SUPT3H: variants seen among roughly 807,000 people sequenced by gnomAD.
SUPT3H encodes transcription initiation protein SPT3 homolog.
Under a neutral mutation model 44.3 loss-of-function variants are expected in SUPT3H, and 44 were observed. The ratio of observed to expected loss-of-function variants is 0.99; its 90% CI spans 0.78 to 1.28. The LOEUF (loss-of-function observed/expected upper bound fraction) is 1.28, where lower values mean the gene tolerates loss of function less well. Among genes scored for constraint, SUPT3H ranks in the 50% most tolerant of loss-of-function variants. The probability of loss-of-function intolerance (pLI) is 0.00; values close to 1 mark genes in which losing one functional copy is unlikely to be tolerated. For missense variants in SUPT3H, 380 were observed against 387.1 expected, an observed-to-expected ratio of 0.98 and a Z score of 0.15; for synonymous variants, 124 against 125.6, an observed-to-expected ratio of 0.99 and a Z score of 0.09.
At chr6:45,376,527 G>A (rs1312518859) in intron 1 of SUPT3H, among the ~76,000 whole-genome samples, 1 of 152,222 alleles carries the variant, frequency 6.6e-6, no homozygotes, top group African/African-American at 2.4e-5. Context: ...TACCACTAGT[G>A]CCTAAAGGCA....
chr6:45,278,330 T>A (rs1415582587), intron 2 of SUPT3H, among the ~76,000 whole-genome samples: 1 of 152,114 alleles, frequency 6.6e-6, no homozygotes, highest in African/African-American at 2.4e-5. Context: ...GATATTCAAG[T>A]CTACACAGGT....
At chr6:44,944,468 G>T (rs1168454960) in intron 9 of SUPT3H, among the ~76,000 whole-genome samples, 1 of 151,870 alleles carries the variant, frequency 6.6e-6, no homozygotes, top group Non-Finnish European at 1.5e-5. Flanking sequence ...ACAATTAAAA[G>T]ATACAGATCG....
At chr6:45,099,779 C>T (rs1468274479) in intron 3 of SUPT3H, among the ~76,000 whole-genome samples, 1 of 151,870 alleles carries the variant, frequency 6.6e-6, no homozygotes, top group South Asian at 2.1e-4. Context: ...AGCAGAAAAC[C>T]ATTCAAAACA....
At chr6:45,189,881 G>GA (rs1244777840) in intron 2 of SUPT3H, among the ~76,000 whole-genome samples, 2 of 152,152 alleles carry the variant, frequency 1.3e-5, no homozygotes, top group African/African-American at 4.8e-5. Flanking sequence ...CATAGGATTG[G>GA]AAACAGTTTC....
At chr6:45,250,119 C>T (rs1419876941) in intron 2 of SUPT3H, among the ~76,000 whole-genome samples, 2 of 152,040 alleles carry the variant, frequency 1.3e-5, no homozygotes, top group African/African-American at 2.4e-5. Context: ...TTTGATGCCT[C>T]GGTCTTAAGT....
intron 2 of SUPT3H, among the ~76,000 whole-genome samples, chr6:45,142,736 C>CAAAAAAAAA (rs70993502): frequency 0.013 from 196 of 14,964 alleles, 39 homozygotes; most frequent in Non-Finnish European, 0.016. Context: ...AACTCCGTCT[C>CAAAAAAAAA]AAAAAAAAAA....
intron 4 of SUPT3H, among the ~76,000 whole-genome samples, chr6:45,018,742 A>C (rs534144614): frequency 6.6e-6 from 1 of 151,912 alleles, no homozygotes; most frequent in Non-Finnish European, 1.5e-5. Flanking sequence ...TGCTGGATTC[A>C]GTTTGCCAGT....
intron 10 of SUPT3H, among the ~76,000 whole-genome samples, chr6:44,895,571 G>C (rs1480497908): frequency 6.6e-6 from 1 of 152,132 alleles, no homozygotes; most frequent in South Asian, 2.1e-4. Flanking sequence ...AACAAAACAA[G>C]CAATAACAAA....
At position 45,018,558 on chromosome 6, in the gene SUPT3H, G is replaced by T. The variant is rs920351787; in HGVS notation, c.273+1988C>A. ...TTTATTGAGCGTTTTTAGCATGAAG[G>T]GTTGTTGAATTTTGTCAAAGGCCTT... On this transcript the variant is annotated intron_variant, in intron 4 of 10. Coordinates refer to ENST00000371459, the MANE Select transcript of SUPT3H (RefSeq NM_003599.4). 5.3e-5 allele frequency among the ~76,000 whole-genome samples: 8 copies of T among 152,084 alleles called. No homozygotes were observed. The East Asian group carries it at 5.8e-4, about 11-fold the overall frequency.
chr6:44,853,297 C>T (rs561361349), intron 10 of SUPT3H, among the ~76,000 whole-genome samples: 6 of 152,274 alleles, frequency 3.9e-5, no homozygotes, highest in African/African-American at 9.6e-5. Flanking sequence ...TCAACTTCTA[C>T]GTTGTACTGG....
In SUPT3H at chr6:45,288,565, GTA is replaced by G. The variant is rs59842389; in HGVS notation, c.101+76634_101+76635del. Among the ~76,000 whole-genome samples, 91 of 95,506 alleles carry G rather than the reference GTA, an allele frequency of 9.5e-4. 1 individual carries two copies. The highest frequency in any genetic ancestry group is 1.8e-3 in the Non-Finnish European group (79 of 44,862). The allele number at this position is 95,506 out of a possible 152,430, so 62.7% of individuals were successfully genotyped here. A position where few individuals can be genotyped will look rare whatever the true frequency, so the allele number is the denominator to read the frequency against. ...TGTGTGTGTATATATATATATATAT[GTA>G]TATATATATATATATGTATATATAT... On this transcript the variant is annotated intron_variant, in intron 2 of 10. Coordinates refer to ENST00000371459, the MANE Select transcript of SUPT3H (RefSeq NM_003599.4).
intron 9 of SUPT3H, among the ~76,000 whole-genome samples, chr6:44,935,522 G>GT (rs1771261428): frequency 6.6e-6 from 1 of 152,090 alleles, no homozygotes; most frequent in African/African-American, 2.4e-5. Flanking sequence ...TGTTTATAGA[G>GT]TATTTGCAGA....
intron 3 of SUPT3H, chr6:45,099,066 C>G (rs1798184801): frequency 5.3e-6 from 2 of 379,522 alleles, no homozygotes; most frequent in Admixed American, 3.7e-5. Context: ...CCTGCCCCAA[C>G]ATGGTCCTCC....
intron 2 of SUPT3H, among the ~76,000 whole-genome samples, chr6:45,241,938 T>G (rs1770420555): frequency 6.6e-6 from 1 of 152,186 alleles, no homozygotes. Flanking sequence ...TTGCTAGTCA[T>G]GAAGGACTAC....
chr6:45,354,607 A>T (rs1792763973), intron 2 of SUPT3H, among the ~76,000 whole-genome samples: 1 of 142,082 alleles, frequency 7.0e-6, no homozygotes, highest in South Asian at 2.3e-4. Flanking sequence ...TTCAAACAGT[A>T]ACTACACAAA....
intron 2 of SUPT3H, among the ~76,000 whole-genome samples, chr6:45,294,850 C>A (rs1472899330): frequency 6.9e-6 from 1 of 144,934 alleles, no homozygotes; most frequent in African/African-American, 2.6e-5. Flanking sequence ...CCAGACAACA[C>A]AAACAAATGG....
chr6:44,906,988 C>G (rs964669172), intron 10 of SUPT3H, among the ~76,000 whole-genome samples: 1 of 152,184 alleles, frequency 6.6e-6, no homozygotes, highest in Non-Finnish European at 1.5e-5. Flanking sequence ...ACACAACCTT[C>G]AAGTGATTAA....
chr6:45,229,017 G>A (rs1192129310), intron 2 of SUPT3H, among the ~76,000 whole-genome samples: 1 of 152,098 alleles, frequency 6.6e-6, no homozygotes, highest in Non-Finnish European at 1.5e-5. Context: ...ATATAATCTT[G>A]CATGAAAGCA....
At chr6:44,853,282 T>C (rs543070972) in intron 10 of SUPT3H, among the ~76,000 whole-genome samples, 5 of 152,336 alleles carry the variant, frequency 3.3e-5, no homozygotes, top group South Asian at 2.1e-4. Context: ...CCACAACCCA[T>C]GTTCTCAACT....
Sources: gnomAD v4.1 joint callset for allele counts (sites outside exome capture counted in the v4.1 genomes callset) on GRCh38, gnomAD v4.1.1 for gene constraint, MANE v1.5 for transcripts, NCBI Gene and HGNC (gene_info 2026-07-23, HGNC 2026-07-21) for gene names.